MGAT5: variants seen among roughly 807,000 people sequenced by gnomAD.
MGAT5 encodes the protein alpha-1,6-mannosylglycoprotein 6-beta-N-acetylglucosaminyltransferase A.
MGAT5 carries 30 observed loss-of-function variants against 94.3 expected under a neutral mutation model. That is an observed-to-expected ratio of 0.32 (90% CI 0.24 to 0.43). The LOEUF (loss-of-function observed/expected upper bound fraction) is 0.43, where lower values mean the gene tolerates loss of function less well. Ranked by LOEUF, MGAT5 falls within the 20% of genes least tolerant of loss-of-function variation. MGAT5 has a pLI of 1.00. For missense variants in MGAT5, 691 were observed against 905.5 expected, an observed-to-expected ratio of 0.76 and a Z score of 3.04; for synonymous variants, 310 against 322.9, an observed-to-expected ratio of 0.96 and a Z score of 0.43.
intron 2 of MGAT5, among the ~76,000 whole-genome samples, chr2:134,274,703 T>G (rs1490624801): frequency 1.3e-5 from 2 of 152,212 alleles, no homozygotes; most frequent in Non-Finnish European, 2.9e-5. Context: ...CCAAGTGGTG[T>G]TGTGATGACT....
intron 4 of MGAT5, among the ~76,000 whole-genome samples, chr2:134,324,650 A>G (rs1687537415): frequency 6.6e-6 from 1 of 152,156 alleles, no homozygotes; most frequent in South Asian, 2.1e-4. Flanking sequence ...TAACTTGGAA[A>G]TGGTGTTGCA....
At chr2:134,359,188 G>A (rs900527648) in intron 9 of MGAT5, among the ~76,000 whole-genome samples, 2 of 152,192 alleles carry the variant, frequency 1.3e-5, no homozygotes, top group East Asian at 3.8e-4. Flanking sequence ...GTGACATTGC[G>A]TATGTATTCT....
chr2:134,152,029 C>T (rs1474666914), intron 1 of MGAT5, among the ~76,000 whole-genome samples: 3 of 141,654 alleles, frequency 2.1e-5, no homozygotes, highest in Admixed American at 7.0e-5. Context: ...TGGTTACTGC[C>T]GTGGGACCTC....
chr2:134,202,023 T>A (rs1679814305), intron 1 of MGAT5, among the ~76,000 whole-genome samples: 1 of 152,046 alleles, frequency 6.6e-6, no homozygotes, highest in Admixed American at 6.5e-5. Flanking sequence ...ATTTTCATTA[T>A]ATTATTATTG....
intron 1 of MGAT5, among the ~76,000 whole-genome samples, chr2:134,169,162 T>C (rs533042384): frequency 6.6e-6 from 1 of 152,286 alleles, no homozygotes; most frequent in South Asian, 2.1e-4. Context: ...AGAGTAAGAA[T>C]GTATCAAGTA....
chr2:134,200,766 C>G (rs1356621829), intron 1 of MGAT5, among the ~76,000 whole-genome samples: 1 of 152,116 alleles, frequency 6.6e-6, no homozygotes, highest in Non-Finnish European at 1.5e-5. Context: ...AGTCTGTGAT[C>G]CTAGCGTCTT....
chr2:134,120,851 G>A lies in MGAT5; in HGVS notation c.-143+560G>A, dbSNP rs549559784. On this transcript the variant is annotated intron_variant, in intron 1 of 16. Transcript: ENST00000409645. ...GGGAGGAGGGATGCGGCGGGCTGGC[G>A]CTCCGGGCCAGAGGATCCAGGAGGC... is the stretch of plus-strand genomic sequence containing the variant. Among the ~76,000 whole-genome samples, 536 of 151,850 alleles carry A rather than the reference G, an allele frequency of 3.5e-3. 5 individuals carry two copies. Among genetic ancestry groups the A allele is most frequent in the African/African-American group, 0.013 (522 of 41,454 alleles).
At chr2:134,335,185 T>A (rs1308117884) in intron 4 of MGAT5, among the ~76,000 whole-genome samples, 1 of 129,172 alleles carries the variant, frequency 7.7e-6, no homozygotes, top group African/African-American at 2.9e-5. Flanking sequence ...CACTGTCTTG[T>A]GCTGACCCAT....
At chr2:134,354,794 C>T (rs1381063104) in intron 9 of MGAT5, among the ~76,000 whole-genome samples, 1 of 152,158 alleles carries the variant, frequency 6.6e-6, no homozygotes, top group African/African-American at 2.4e-5. Flanking sequence ...GTTGGGTTTT[C>T]CCCAGGAATC....
At chr2:134,388,504 A>G (rs1682175012) in intron 10 of MGAT5, among the ~76,000 whole-genome samples, 1 of 152,166 alleles carries the variant, frequency 6.6e-6, no homozygotes, top group Non-Finnish European at 1.5e-5. Context: ...ATTGAAATAT[A>G]CAGGGTTCAG....
At chr2:134,148,075 TG>T (rs1433084811) in intron 1 of MGAT5, among the ~76,000 whole-genome samples, 5 of 152,226 alleles carry the variant, frequency 3.3e-5, no homozygotes, top group Non-Finnish European at 7.3e-5. Flanking sequence ...CGTATCACAA[TG>T]GAAAAATATT....
intron 1 of MGAT5, among the ~76,000 whole-genome samples, chr2:134,169,445 T>A (rs539717321): frequency 6.7e-6 from 1 of 149,000 alleles, no homozygotes; most frequent in African/African-American, 2.5e-5. Context: ...CACACATATA[T>A]AAAAGATTGA....
At chr2:134,343,962 G>A (rs1222257862) in intron 7 of MGAT5, among the ~76,000 whole-genome samples, 1 of 152,162 alleles carries the variant, frequency 6.6e-6, no homozygotes, top group East Asian at 1.9e-4. Context: ...AACTGGTTCT[G>A]CAGAACCTAG....
At chr2:134,426,289 T>A (rs141824531) in intron 13 of MGAT5, among the ~76,000 whole-genome samples, 1 of 152,338 alleles carries the variant, frequency 6.6e-6, no homozygotes, top group East Asian at 1.9e-4. Context: ...GAAAATTGTT[T>A]GCTTCATATC....
chr2:134,427,259 C>T (rs1415282079), intron 13 of MGAT5, among the ~76,000 whole-genome samples: 3 of 152,174 alleles, frequency 2.0e-5, no homozygotes, highest in Non-Finnish European at 2.9e-5. Flanking sequence ...TACCCTATTG[C>T]TGAGAGGAGC....
Position 134,268,130 on chromosome 2 carries a change from C to T in MGAT5, c.242-2256C>T, listed in dbSNP as rs1220073186. The stretch of plus-strand genomic sequence containing the variant: ...TCTTACAATGCAAGGACAGTCACCA[C>T]GACAAAGAATTACCCGGCCCAAAGT... On this transcript the variant is annotated intron_variant, in intron 1 of 15. Coordinates refer to ENST00000281923, the MANE Select transcript of MGAT5 (RefSeq NM_002410.5). The surrounding 1 kb of genome is among the most constrained non-coding windows in gnomAD (Gnocchi z 4.1). Among the ~76,000 whole-genome samples the T allele has an allele frequency of 3.9e-5, 6 of 152,122 alleles. No individual in the cohort carries two copies. The highest frequency in any genetic ancestry group is 1.9e-4 in the East Asian group (1 of 5,192).
intron 1 of MGAT5, among the ~76,000 whole-genome samples, chr2:134,172,677 T>G (rs191617003): frequency 6.6e-6 from 1 of 152,196 alleles, no homozygotes; most frequent in East Asian, 1.9e-4. Flanking sequence ...TGAGCCACCA[T>G]GCCCAGCCAG....
At chr2:134,206,562 G>C (rs574879492) in intron 1 of MGAT5, among the ~76,000 whole-genome samples, 1 of 152,130 alleles carries the variant, frequency 6.6e-6, no homozygotes, top group Non-Finnish European at 1.5e-5. Flanking sequence ...ACACCCTCCA[G>C]GTGTTAGGCT....
At chr2:134,175,191 GTTTC>G (rs1171542151) in intron 1 of MGAT5, among the ~76,000 whole-genome samples, 2 of 152,190 alleles carry the variant, frequency 1.3e-5, no homozygotes, top group Admixed American at 6.5e-5. Context: ...AGATTTTCAT[GTTTC>G]TTTGTCTTTC....
Sources: gnomAD v4.1 joint callset for allele counts (sites outside exome capture counted in the v4.1 genomes callset) on GRCh38, gnomAD v4.1.1 for gene constraint, Gnocchi (gnomAD v3.1) non-coding constraint, MANE v1.5 for transcripts, NCBI Gene and HGNC (gene_info 2026-07-23, HGNC 2026-07-21) for gene names.